The following PTPRD variants were observed in gnomAD, a reference collection of about 807,000 sequenced individuals.
The protein encoded by PTPRD is receptor-type tyrosine-protein phosphatase delta.
Under a neutral mutation model 214.5 loss-of-function variants are expected in PTPRD, and 34 were observed. The ratio of observed to expected loss-of-function variants is 0.16; its 90% CI spans 0.12 to 0.21. PTPRD has a LOEUF of 0.21. Among genes scored for constraint, PTPRD ranks in the 10% least tolerant of loss-of-function variants. The pLI, the probability that PTPRD is intolerant of heterozygous loss-of-function variation, is 1.00. For synonymous variants in PTPRD, 1,128 were observed against 845.7 expected (o/e 1.33, Z -5.79); for missense variants, 2,545 against 2,398.7 (o/e 1.06, Z -1.27).
At chr9:10,112,118 T>C (rs1448023166) in intron 3 of PTPRD, among the ~76,000 whole-genome samples, 1 of 152,196 alleles carries the variant, frequency 6.6e-6, no homozygotes, top group Admixed American at 6.5e-5. Flanking sequence ...ATTTCCCCTT[T>C]TGCCCTAAGT....
At chr9:8,535,473 G>A (rs1048250494) in intron 14 of PTPRD, among the ~76,000 whole-genome samples, 5 of 151,852 alleles carry the variant, frequency 3.3e-5, no homozygotes, top group African/African-American at 1.2e-4. Flanking sequence ...ATTGTCAGAT[G>A]ATTTGTTCCT....
chr9:8,986,581 T>C (rs1194978591), intron 11 of PTPRD, among the ~76,000 whole-genome samples: 1 of 152,044 alleles, frequency 6.6e-6, no homozygotes, highest in Non-Finnish European at 1.5e-5. Flanking sequence ...AGTTATACAG[T>C]ATCCCTTCTT....
intron 7 of PTPRD, among the ~76,000 whole-genome samples, chr9:9,579,718 A>C (rs542560692): frequency 1.1e-4 from 17 of 152,260 alleles, no homozygotes; most frequent in African/African-American, 3.9e-4. Context: ...TTGTTTGTGT[A>C]AATTTGAGGG....
intron 3 of PTPRD, among the ~76,000 whole-genome samples, chr9:10,079,385 T>C (rs1368677326): frequency 6.6e-6 from 1 of 152,136 alleles, no homozygotes; most frequent in African/African-American, 2.4e-5. Context: ...AAATATGTAT[T>C]GGCAGGAATG....
At chr9:8,858,679 G>C (rs1462687537) in intron 11 of PTPRD, among the ~76,000 whole-genome samples, 5 of 101,832 alleles carry the variant, frequency 4.9e-5, no homozygotes. Context: ...CCGGACGCGG[G>C]GAGAGCTGGG....
chr9:9,253,339 A>G (rs2131681661), intron 9 of PTPRD, among the ~76,000 whole-genome samples: 1 of 152,178 alleles, frequency 6.6e-6, no homozygotes, highest in East Asian at 1.9e-4. Context: ...TACAATTTTT[A>G]AACTACTAAG....
intron 8 of PTPRD, among the ~76,000 whole-genome samples, chr9:9,549,469 A>G (rs982034862): frequency 6.6e-6 from 1 of 152,116 alleles, no homozygotes; most frequent in Non-Finnish European, 1.5e-5. Flanking sequence ...TGAAACCATC[A>G]TAAGATGCCG....
intron 10 of PTPRD, among the ~76,000 whole-genome samples, chr9:9,172,835 T>A (rs1332286351): frequency 6.6e-6 from 1 of 152,146 alleles, no homozygotes. Flanking sequence ...ATAGCCTTTA[T>A]CCTGCACCTG....
At chr9:9,613,135 CATATATATATATAT>C (rs67735335) in intron 7 of PTPRD, among the ~76,000 whole-genome samples, 4 of 47,926 alleles carry the variant, frequency 8.3e-5, no homozygotes, top group East Asian at 1.2e-3. Context: ...TACATACATA[CATATATATATATAT>C]ATATATATAT....
At chr9:8,711,425 T>A (rs966144028) in intron 12 of PTPRD, among the ~76,000 whole-genome samples, 1 of 152,166 alleles carries the variant, frequency 6.6e-6, no homozygotes, top group African/African-American at 2.4e-5. Context: ...TTAATTAGCA[T>A]ACAGTAACTC....
At chr9:8,883,724 T>C (rs1587322727) in intron 11 of PTPRD, among the ~76,000 whole-genome samples, 1 of 152,194 alleles carries the variant, frequency 6.6e-6, no homozygotes, top group Admixed American at 6.5e-5. Context: ...TATACAGGTC[T>C]TGTATTTTCA....
chr9:10,474,402 C>A (rs937981083), intron 2 of PTPRD, among the ~76,000 whole-genome samples: 2 of 151,476 alleles, frequency 1.3e-5, no homozygotes, highest in Non-Finnish European at 2.9e-5. Context: ...AAGGGCATTA[C>A]ATAATGGTAA....
chr9:8,616,648 A>T (rs980596049), intron 14 of PTPRD, among the ~76,000 whole-genome samples: 3 of 152,148 alleles, frequency 2.0e-5, no homozygotes, highest in African/African-American at 7.2e-5. Flanking sequence ...TTTCTCTCAT[A>T]TCTGCAATCT....
At chr9:8,556,741 G>A (rs2083898596) in intron 14 of PTPRD, among the ~76,000 whole-genome samples, 1 of 151,934 alleles carries the variant, frequency 6.6e-6, no homozygotes, top group Non-Finnish European at 1.5e-5. Context: ...TTATCATTTT[G>A]ACAGGTAAAA....
intron 35 of PTPRD, among the ~76,000 whole-genome samples, chr9:8,427,681 A>T (rs1370361311): frequency 6.7e-6 from 1 of 149,852 alleles, no homozygotes; most frequent in Non-Finnish European, 1.5e-5. Flanking sequence ...TATTGTTATG[A>T]TTATTATTAT....
At chr9:10,451,391 C>G (rs1039310571) in intron 2 of PTPRD, among the ~76,000 whole-genome samples, 4 of 151,710 alleles carry the variant, frequency 2.6e-5, no homozygotes, top group Non-Finnish European at 5.9e-5. Flanking sequence ...ATAATAAAGT[C>G]AATCCCATGG....
intron 11 of PTPRD, chr9:8,859,944 C>T (rs1275496448): frequency 1.3e-5 from 2 of 152,114 alleles, no homozygotes; most frequent in African/African-American, 2.4e-5. Flanking sequence ...TCCAATCATT[C>T]TGATTTCACA....
At chr9:9,337,783 CTATAT>C (rs2045158952) in intron 9 of PTPRD, among the ~76,000 whole-genome samples, 1 of 152,258 alleles carries the variant, frequency 6.6e-6, no homozygotes, top group East Asian at 1.9e-4. Flanking sequence ...CTCTTGATAA[CTATAT>C]TATGAGTTAT....
chr9:10,155,061 A>AT (rs2099084915), intron 3 of PTPRD, among the ~76,000 whole-genome samples: 1 of 151,838 alleles, frequency 6.6e-6, no homozygotes, highest in Non-Finnish European at 1.5e-5. Flanking sequence ...AACAATATTG[A>AT]TTTTTCCTAT....
Sources: allele counts gnomAD v4.1 joint callset (sites outside exome capture counted in the v4.1 genomes callset), GRCh38; gene constraint gnomAD v4.1.1; transcripts MANE v1.5; gene names NCBI Gene and HGNC (gene_info 2026-07-23, HGNC 2026-07-21).